Variants in EML1 observed in about 807,000 individuals in gnomAD.
EML1 encodes EMAP like 1.
EML1 carries 27 observed loss-of-function variants against 110.4 expected under a neutral mutation model. The ratio of observed to expected loss-of-function variants is 0.24; its 90% CI spans 0.18 to 0.34. The LOEUF (loss-of-function observed/expected upper bound fraction) is 0.34, where lower values mean the gene tolerates loss of function less well. EML1 is among the 10% of genes least tolerant of loss of function. The pLI, the probability that EML1 is intolerant of heterozygous loss-of-function variation, is 1.00. For synonymous variants in EML1, 344 were observed against 385.8 expected (o/e 0.89, Z 1.27); for missense variants, 741 against 1,030.9 (o/e 0.72, Z 3.85).
intron 2 of EML1, among the ~76,000 whole-genome samples, chr14:99,864,805 CAAAAAAAA>C (rs67480916): frequency 1.0e-5 from 1 of 99,050 alleles, no homozygotes; most frequent in African/African-American, 3.8e-5. Flanking sequence ...AACTCTGTCT[CAAAAAAAA>C]AAAAAAAAAA....
Position 99,940,094 on chromosome 14 carries a change from G to A in EML1, c.2430G>A (p.Met810Ile), listed in dbSNP as rs1039863595. The part of the protein sequence containing the change: ...ISTGGKDTSI[M>I]QWRVI ...CGGGCGGGAAAGACACAAGCATCAT[G>A]CAGTGGCGCGTCATTTAGTACCCAC... The change falls in exon 22 of 22, where the codon ATG becomes ATA. Residue 810 changes from methionine to isoleucine, a missense_variant. By Grantham distance (10) the Met-to-Ile change is conservative (BLOSUM62 1). Transcript: ENST00000262233. 6.3e-7 allele frequency: 1 copy of A among 1,595,750 alleles called. No homozygotes were observed. Among genetic ancestry groups the A allele is most frequent in the Non-Finnish European group, 8.5e-7 (1 of 1,172,116 alleles).
At chr14:99,821,696 C>T (rs1384274840) in intron 1 of EML1, among the ~76,000 whole-genome samples, 2 of 152,174 alleles carry the variant, frequency 1.3e-5, no homozygotes, top group Admixed American at 6.5e-5. Flanking sequence ...CACTGCACTC[C>T]AGCCTGGGCA....
Position 99,936,573 on chromosome 14 carries a change from G to A in EML1, c.2095+239G>A, listed in dbSNP as rs1224534729. The stretch of plus-strand genomic sequence containing the variant: ...GAGAAGATCCAGGGCCTGCCCCAAG[G>A]GGAAGAAGGCCAAGCCCTGCAGAGG... On this transcript the variant is annotated intron_variant, in intron 19 of 21. Coordinates refer to ENST00000262233, the MANE Select transcript of EML1 (RefSeq NM_004434.3). The surrounding 1 kb of genome is among the most constrained non-coding windows in gnomAD (Gnocchi z 5.5). Among the ~76,000 whole-genome samples the A allele has an allele frequency of 6.6e-6, 1 of 152,150 alleles. No individual in the cohort carries two copies. The highest frequency in any genetic ancestry group is 2.1e-4 in the South Asian group (1 of 4,826).
intron 4 of EML1, among the ~76,000 whole-genome samples, chr14:99,880,101 A>G (rs1201424124): frequency 6.6e-6 from 1 of 152,214 alleles, no homozygotes; most frequent in African/African-American, 2.4e-5. Context: ...GGGAAAATTT[A>G]CTAATCATGT....
intron 1 of EML1, among the ~76,000 whole-genome samples, chr14:99,754,843 C>G (rs2057228801): frequency 6.6e-6 from 1 of 152,154 alleles, no homozygotes; most frequent in Non-Finnish European, 1.5e-5. Flanking sequence ...GAAGCTTGGC[C>G]TGAGAGAGGG....
chr14:99,911,676 T>G, intron 13 of EML1, 100 bp downstream of exon 13: 1 of 1,367,564 alleles, frequency 7.3e-7, no homozygotes, highest in Non-Finnish European at 9.9e-7. Context: ...TGAAAATTGT[T>G]TAGGTGAAAT....
At chr14:99,861,998 C>G (rs970479875) in intron 2 of EML1, among the ~76,000 whole-genome samples, 1 of 152,090 alleles carries the variant, frequency 6.6e-6, no homozygotes, top group Non-Finnish European at 1.5e-5. Flanking sequence ...TAGTTTGTCC[C>G]TTAAGCCCTT....
intron 9 of EML1, among the ~76,000 whole-genome samples, chr14:99,902,252 G>C (rs1249554837): frequency 2.6e-5 from 4 of 152,108 alleles, no homozygotes; most frequent in African/African-American, 7.2e-5. Flanking sequence ...AAGTAAGAAG[G>C]CTTTTTATTA....
chr14:99,876,965 G>A (rs1167396249), intron 3 of EML1, among the ~76,000 whole-genome samples: 1 of 152,202 alleles, frequency 6.6e-6, no homozygotes, highest in African/African-American at 2.4e-5. Flanking sequence ...GTGGACTAAT[G>A]ATGTAGATTT....
At chr14:99,745,676 C>T (rs1207397956) in intron 1 of EML1, among the ~76,000 whole-genome samples, 2 of 152,208 alleles carry the variant, frequency 1.3e-5, no homozygotes, top group East Asian at 3.8e-4. Flanking sequence ...CTGTGGTCCA[C>T]CCTCGAGGCC....
Position 99,793,571 on chromosome 14 carries a change from C to G in EML1, c.67+28C>G, listed in dbSNP as rs1390761861. On this transcript the variant is annotated intron_variant, in intron 1 of 21. Coordinates refer to ENST00000262233, the MANE Select transcript of EML1 (RefSeq NM_004434.3). ...GAGGGGCGGCCGCGCGGGGCCGGGGCGGCGAGCGGCTGGTGGCGGGCGGCG... is the reference window on the plus strand; with the variant it reads ...GAGGGGCGGCCGCGCGGGGCCGGGGGGGCGAGCGGCTGGTGGCGGGCGGCG... The G allele has an allele frequency of 8.0e-6, 8 of 1,003,502 alleles. No individual in the cohort carries two copies. In the South Asian group the frequency reaches 3.6e-4, roughly 45 times the overall value. 62.2% of individuals were successfully genotyped at this position (1,003,502 alleles called of 1,614,324 possible). A position where few individuals can be genotyped will look rare whatever the true frequency, so the allele number is the denominator to read the frequency against.
At chr14:99,754,677 G>A (rs1004845706) in intron 1 of EML1, among the ~76,000 whole-genome samples, 10 of 152,176 alleles carry the variant, frequency 6.6e-5, no homozygotes, top group Non-Finnish European at 1.5e-4. Context: ...TTGGCACCCC[G>A]GCACAGGGCA....
chr14:99,762,232 G>T (rs934043503), intron 1 of EML1, among the ~76,000 whole-genome samples: 4 of 152,124 alleles, frequency 2.6e-5, no homozygotes, highest in Non-Finnish European at 4.4e-5. Context: ...TTTAAATCTA[G>T]TGTTTTTTTC....
chr14:99,908,060 G>A (rs1296345301), intron 10 of EML1, among the ~76,000 whole-genome samples: 1 of 152,190 alleles, frequency 6.6e-6, no homozygotes. Context: ...CCACGTGCTC[G>A]CACGGCACGT....
In EML1 at chr14:99,939,453, C is replaced by G; in HGVS notation, c.2322+126C>G. ...GCCAGCCACAAAGGCAGATGTGACTCTGTTCTTTGCGCCCTGAGCACTTCC... is the reference window on the plus strand; with the variant it reads ...GCCAGCCACAAAGGCAGATGTGACTGTGTTCTTTGCGCCCTGAGCACTTCC... On this transcript the variant is annotated intron_variant, in intron 21 of 21. Coordinates refer to ENST00000262233, the MANE Select transcript of EML1 (RefSeq NM_004434.3). The surrounding 1 kb of genome is among the most constrained non-coding windows in gnomAD (Gnocchi z 4.2). 1 of 1,445,182 alleles carries G rather than the reference C, an allele frequency of 6.9e-7. No individual in the cohort carries two copies. The highest frequency in any genetic ancestry group is 9.3e-7 in the Non-Finnish European group (1 of 1,071,530). The allele number at this position is 1,445,182 out of a possible 1,614,324, so 89.5% of individuals were successfully genotyped here.
intron 1 of EML1, among the ~76,000 whole-genome samples, chr14:99,742,156 G>T (rs2057050837): frequency 6.6e-6 from 1 of 152,196 alleles, no homozygotes; most frequent in African/African-American, 2.4e-5. Context: ...GGGCCTGCCT[G>T]GGTCTCTCTG....
intron 1 of EML1, among the ~76,000 whole-genome samples, chr14:99,818,739 G>C (rs1292512638): frequency 3.9e-5 from 6 of 152,116 alleles, no homozygotes; most frequent in African/African-American, 1.4e-4. Context: ...AGATCACCCA[G>C]AAGGAGAGTG....
chr14:99,767,080 G>T (rs184069815), intron 1 of EML1, among the ~76,000 whole-genome samples: 69 of 152,270 alleles, frequency 4.5e-4, no homozygotes, highest in Middle Eastern at 3.4e-3. Flanking sequence ...TGAGAAGAAG[G>T]CACGGTGAGA....
At chr14:99,802,347 C>T (rs116277283) in intron 1 of EML1, among the ~76,000 whole-genome samples, 31 of 151,840 alleles carry the variant, frequency 2.0e-4, no homozygotes, top group African/African-American at 5.8e-4. Flanking sequence ...GGCAAGGGAG[C>T]GACTTGTTCA....
Sources: gnomAD v4.1 joint callset for allele counts (sites outside exome capture counted in the v4.1 genomes callset) on GRCh38, gnomAD v4.1.1 for gene constraint, Gnocchi (gnomAD v3.1) non-coding constraint, MANE v1.5 for transcripts, NCBI Gene and HGNC (gene_info 2026-07-23, HGNC 2026-07-21) for gene names.